CHL1: variants seen among roughly 807,000 people sequenced by gnomAD.
CHL1 encodes the protein cell adhesion molecule L1 like.
Under a neutral mutation model 141.9 loss-of-function variants are expected in CHL1, and 96 were observed. That is an observed-to-expected ratio of 0.68 (90% CI 0.57 to 0.80). The LOEUF is 0.80. Ranked by LOEUF, CHL1 falls within the 30% of genes least tolerant of loss-of-function variation. CHL1 has a pLI of 0.00. For missense variants in CHL1, 1,820 were observed against 1,457.2 expected, an observed-to-expected ratio of 1.25 and a Z score of -4.05; for synonymous variants, 613 against 502.2, an observed-to-expected ratio of 1.22 and a Z score of -2.95.
intron 2 of CHL1, among the ~76,000 whole-genome samples, chr3:280,200 T>C (rs938889873): frequency 4.6e-5 from 7 of 151,598 alleles, no homozygotes; most frequent in Middle Eastern, 3.4e-3. Context: ...AAGTTCTTAG[T>C]AGAGTCTAGG....
chr3:407,974 T>C lies in CHL1; in HGVS notation c.*2263T>C, dbSNP rs927947817. 6.6e-6 allele frequency: 1 copy of C among 152,096 alleles called. No individual in the cohort carries two copies. The highest frequency in any genetic ancestry group is 2.4e-5 in the African/African-American group (1 of 41,406). 9.4% of individuals were successfully genotyped at this position (152,096 alleles called of 1,614,324 possible). A position where few individuals can be genotyped will look rare whatever the true frequency, so the allele number is the denominator to read the frequency against. Reference sequence around the variant, plus strand: ...TATCATTGTTACCTTTCCTCAATACTATTTGGCAACTACTGGGACTCTTCA... The same window carrying C: ...TATCATTGTTACCTTTCCTCAATACCATTTGGCAACTACTGGGACTCTTCA... On this transcript the variant is annotated 3_prime_UTR_variant, in exon 28 of 28. Coordinates refer to ENST00000256509, the MANE Select transcript of CHL1 (RefSeq NM_006614.4).
chr3:249,881 G>GA (rs1451928311), intron 2 of CHL1, among the ~76,000 whole-genome samples: 2 of 151,756 alleles, frequency 1.3e-5, no homozygotes, highest in Non-Finnish European at 1.5e-5. Context: ...ATATGGGGAG[G>GA]AAAAAATCCT....
rs114266375 is a variant in CHL1, at chr3:406,745, C to A, written c.*1034C>A. 901 of 152,170 alleles carry A rather than the reference C, an allele frequency of 5.9e-3. 7 individuals carry two copies. Among genetic ancestry groups the A allele is most frequent in the African/African-American group, 0.02 (851 of 41,520 alleles). 9.4% of individuals were successfully genotyped at this position (152,170 alleles called of 1,614,324 possible). A position where few individuals can be genotyped will look rare whatever the true frequency, so the allele number is the denominator to read the frequency against. The stretch of plus-strand genomic sequence containing the variant: ...GTTTTTCGTCATTCCAGAGCTACAA[C>A]TAATAACACGAGGTTCCAAAGCTGA... On this transcript the variant is annotated 3_prime_UTR_variant, in exon 28 of 28. Transcript: ENST00000256509.
intron 2 of CHL1, among the ~76,000 whole-genome samples, chr3:276,360 C>T (rs1215255902): frequency 6.6e-6 from 1 of 152,150 alleles, no homozygotes; most frequent in Non-Finnish European, 1.5e-5. Flanking sequence ...AACCTTTCTT[C>T]TCAGACATTT....
chr3:227,964 T>A (rs1244073929), intron 1 of CHL1, among the ~76,000 whole-genome samples: 1 of 152,196 alleles, frequency 6.6e-6, no homozygotes, highest in African/African-American at 2.4e-5. Flanking sequence ...CATCTATCTA[T>A]CCATCTATTT....
chr3:363,914 G>C (rs982048076), intron 14 of CHL1: 1 of 151,984 alleles, frequency 6.6e-6, no homozygotes, highest in Non-Finnish European at 1.5e-5. Context: ...TTTTAATATT[G>C]CTCAGAGAAT....
At chr3:290,394 T>C (rs1393264217) in intron 2 of CHL1, among the ~76,000 whole-genome samples, 5 of 152,142 alleles carry the variant, frequency 3.3e-5, no homozygotes, top group Non-Finnish European at 7.4e-5. Flanking sequence ...AATAGCTGTA[T>C]TTGCAAATAT....
chr3:198,234 AGGGCG>A (rs1326209065), intron 1 of CHL1: 19 of 160,738 alleles, frequency 1.2e-4, no homozygotes, highest in Non-Finnish European at 2.4e-4. Flanking sequence ...CCCGGCAGAG[AGGGCG>A]CCCCAGGTTC....
In CHL1 at chr3:367,335, G is replaced by T. The variant is rs567817318; in HGVS notation, c.1751+1220G>T. Among the ~76,000 whole-genome samples the T allele has an allele frequency of 1.6e-4, 24 of 152,322 alleles. 1 individual carries two copies. The highest frequency in any genetic ancestry group is 5.5e-4 in the African/African-American group (23 of 41,568). On this transcript the variant is annotated intron_variant, in intron 15 of 27. Coordinates refer to ENST00000256509, the MANE Select transcript of CHL1 (RefSeq NM_006614.4). The stretch of plus-strand genomic sequence containing the variant: ...TAGATAGGACATGTGCTGCTTGCAT[G>T]AGACAGCAACACTGCCATGGGTAAG...
intron 5 of CHL1, among the ~76,000 whole-genome samples, chr3:330,817 T>G (rs1701379323): frequency 2.6e-5 from 4 of 152,130 alleles, no homozygotes. Context: ...TTTTCAGAAA[T>G]CAAGATTCAG....
chr3:360,702 C>T (rs1367581769), intron 12 of CHL1, among the ~76,000 whole-genome samples: 9 of 148,920 alleles, frequency 6.0e-5, no homozygotes, highest in Non-Finnish European at 8.9e-5. Flanking sequence ...AACTCGTCAT[C>T]TAGCATTAGG....
At chr3:358,256 G>A (rs552677942) in intron 11 of CHL1, among the ~76,000 whole-genome samples, 1 of 152,136 alleles carries the variant, frequency 6.6e-6, no homozygotes, top group Non-Finnish European at 1.5e-5. Flanking sequence ...CCACATTCCT[G>A]GCTCCCTTCC....
intron 1 of CHL1, among the ~76,000 whole-genome samples, chr3:198,499 C>G (rs920242560): frequency 6.6e-6 from 1 of 152,150 alleles, no homozygotes; most frequent in African/African-American, 2.4e-5. Flanking sequence ...CACTGTGATG[C>G]GTCACTCTGG....
intron 2 of CHL1, among the ~76,000 whole-genome samples, chr3:286,695 C>T (rs1697188489): frequency 6.6e-6 from 1 of 151,768 alleles, no homozygotes; most frequent in African/African-American, 2.4e-5. Flanking sequence ...CATGAGCTAC[C>T]CAGTTGCTTA....
At chr3:327,449 A>C (rs766485960) in intron 4 of CHL1, among the ~76,000 whole-genome samples, 10 of 151,966 alleles carry the variant, frequency 6.6e-5, no homozygotes, top group Non-Finnish European at 1.5e-4. Flanking sequence ...ATAATTTTGC[A>C]ACATTTATCA....
At chr3:222,855 T>C (rs1462269745) in intron 1 of CHL1, among the ~76,000 whole-genome samples, 1 of 152,210 alleles carries the variant, frequency 6.6e-6, no homozygotes, top group East Asian at 1.9e-4. Flanking sequence ...CAGGGAATCA[T>C]ATTTTGGGGT....
chr3:343,633 A>G (rs1317137249), intron 8 of CHL1, among the ~76,000 whole-genome samples: 1 of 152,208 alleles, frequency 6.6e-6, no homozygotes, highest in African/African-American at 2.4e-5. Context: ...CTCTATAATG[A>G]GAAGAGTCAG....
intron 2 of CHL1, among the ~76,000 whole-genome samples, chr3:304,694 C>A (rs1029594600): frequency 1.3e-5 from 2 of 152,198 alleles, no homozygotes; most frequent in East Asian, 3.9e-4. Context: ...TAAACCAGCT[C>A]CTGGTTTCAT....
intron 1 of CHL1, among the ~76,000 whole-genome samples, chr3:229,805 C>G (rs144396778): frequency 6.6e-6 from 1 of 152,138 alleles, no homozygotes; most frequent in African/African-American, 2.4e-5. Context: ...AGAACTTAAT[C>G]TTTAAATTCT....
Sources: gnomAD v4.1 joint callset for allele counts (sites outside exome capture counted in the v4.1 genomes callset) on GRCh38, gnomAD v4.1.1 for gene constraint, MANE v1.5 for transcripts, NCBI Gene and HGNC (gene_info 2026-07-23, HGNC 2026-07-21) for gene names.